SPOCK1: variants seen among roughly 807,000 people sequenced by gnomAD.
SPOCK1 encodes testican-1.
Under a neutral mutation model 55.3 loss-of-function variants are expected in SPOCK1, and 23 were observed. The ratio of observed to expected loss-of-function variants is 0.42; its 90% CI spans 0.30 to 0.59. The LOEUF is 0.59. SPOCK1 is among the 20% of genes least tolerant of loss of function. The probability of loss-of-function intolerance (pLI) is 0.22; values close to 1 mark genes in which losing one functional copy is unlikely to be tolerated. For missense variants in SPOCK1, 499 were observed against 552.5 expected (o/e 0.90, Z 0.97); for synonymous variants, 226 against 221.0 (o/e 1.02, Z -0.20).
At chr5:137,329,381 T>C (rs1758131824) in intron 2 of SPOCK1, among the ~76,000 whole-genome samples, 1 of 152,046 alleles carries the variant, frequency 6.6e-6, no homozygotes, top group African/African-American at 2.4e-5. Flanking sequence ...TATACACCTA[T>C]ATATACACAT....
chr5:137,424,848 T>A (rs1167367930), intron 2 of SPOCK1, among the ~76,000 whole-genome samples: 1 of 152,220 alleles, frequency 6.6e-6, no homozygotes, highest in Admixed American at 6.5e-5. Context: ...TAAAGGGGCA[T>A]GAGGAAAGTT....
At chr5:137,105,859 G>T (rs144546418) in intron 5 of SPOCK1, among the ~76,000 whole-genome samples, 1 of 152,300 alleles carries the variant, frequency 6.6e-6, no homozygotes, top group East Asian at 1.9e-4. Context: ...TTAAGGAAGA[G>T]AATGTCAGGG....
At chr5:137,259,877 C>G (rs1429100043) in intron 3 of SPOCK1, among the ~76,000 whole-genome samples, 1 of 151,882 alleles carries the variant, frequency 6.6e-6, no homozygotes, top group African/African-American at 2.4e-5. Context: ...TATTCTGAGC[C>G]CTCTCCACCC....
intron 7 of SPOCK1, among the ~76,000 whole-genome samples, chr5:136,990,761 A>C (rs2126963299): frequency 6.6e-6 from 1 of 152,286 alleles, no homozygotes; most frequent in East Asian, 1.9e-4. Context: ...TTTAATGCAT[A>C]AGGCAAGAGG....
chr5:137,012,069 G>A, intron 6 of SPOCK1, among the ~76,000 whole-genome samples: 1 of 152,138 alleles, frequency 6.6e-6, no homozygotes, highest in Non-Finnish European at 1.5e-5. Context: ...CTTTTATCCA[G>A]CTGCCACTGA....
At chr5:137,039,088 T>G (rs779881616) in intron 6 of SPOCK1, among the ~76,000 whole-genome samples, 1 of 152,154 alleles carries the variant, frequency 6.6e-6, no homozygotes, top group Non-Finnish European at 1.5e-5. Context: ...CCATTCCAAG[T>G]GCTTTATTTT....
Position 136,978,863 on chromosome 5 carries a change from C to T in SPOCK1, c.1130-19G>A, listed in dbSNP as rs865848879. 1 of 1,594,306 alleles carries T rather than the reference C, an allele frequency of 6.3e-7. No homozygotes were observed. The highest frequency in any genetic ancestry group is 1.3e-5 in the African/African-American group (1 of 74,564). ...TCCTCTTCTGAAAGATTAAAAAAAG[C>T]ATTGAGGTTAGTTTCCACTTATACC... On this transcript the variant is annotated intron_variant, in intron 10 of 10. Transcript: ENST00000394945.
intron 2 of SPOCK1, among the ~76,000 whole-genome samples, chr5:137,297,713 G>A (rs568583162): frequency 5.8e-4 from 88 of 152,184 alleles, no homozygotes; most frequent in Non-Finnish European, 9.9e-4. Context: ...GGGGAGACAT[G>A]GTAGGGCACA....
rs577130112 is a variant in SPOCK1 at position 136,978,801 on chromosome 5, G to A, written c.1173C>T (p.Ser391=). Residue 391 remains serine, a synonymous_variant, in exon 11 of 11, where the codon TCC becomes TCT. Coordinates refer to ENST00000394945, the MANE Select transcript of SPOCK1 (RefSeq NM_004598.4). ...ETSGDFGSGG[S]VVLLDDLEYE... ...ATTCTAGGTCATCCAGCAGGACCACGGACCCACCACTGCCAAAATCCCCTG... is the reference window on the plus strand; with the variant it reads ...ATTCTAGGTCATCCAGCAGGACCACAGACCCACCACTGCCAAAATCCCCTG... 6.8e-6 allele frequency: 11 copies of A among 1,613,452 alleles called. No individual in the cohort carries two copies. Among genetic ancestry groups the A allele is most frequent in the East Asian group, 4.5e-5 (2 of 44,858 alleles).
At chr5:137,118,601 G>A (rs915497034) in intron 4 of SPOCK1, among the ~76,000 whole-genome samples, 14 of 152,210 alleles carry the variant, frequency 9.2e-5, no homozygotes, top group Non-Finnish European at 1.6e-4. Context: ...GCAAGCAGGT[G>A]GCAAGACAGA....
intron 3 of SPOCK1, among the ~76,000 whole-genome samples, chr5:137,222,767 T>C (rs549735732): frequency 6.6e-6 from 1 of 152,342 alleles, no homozygotes; most frequent in Non-Finnish European, 1.5e-5. Context: ...CATGTACTCC[T>C]TTTGACACTA....
chr5:137,044,029 A>C (rs575502491), intron 6 of SPOCK1, among the ~76,000 whole-genome samples: 1 of 152,338 alleles, frequency 6.6e-6, no homozygotes, highest in South Asian at 2.1e-4. Context: ...TATAAATCTA[A>C]AAATTTTCTA....
intron 3 of SPOCK1, among the ~76,000 whole-genome samples, chr5:137,207,170 G>A (rs1282311457): frequency 2.6e-5 from 4 of 152,150 alleles, no homozygotes; most frequent in South Asian, 2.1e-4. Flanking sequence ...ACAGAACCCC[G>A]AGCAGCCTGT....
chr5:137,428,568 C>T (rs1752681803), intron 2 of SPOCK1, among the ~76,000 whole-genome samples: 1 of 152,200 alleles, frequency 6.6e-6, no homozygotes, highest in Non-Finnish European at 1.5e-5. Context: ...AATTTGTAGA[C>T]TCTGTCTACT....
At chr5:137,327,519 C>T (rs1758100984) in intron 2 of SPOCK1, among the ~76,000 whole-genome samples, 1 of 152,094 alleles carries the variant, frequency 6.6e-6, no homozygotes, top group South Asian at 2.1e-4. Flanking sequence ...ACTGAGATAC[C>T]AGTGGTTGAG....
rs922862233 is a variant in SPOCK1, at chr5:137,067,846, C to T, written c.475-17G>A. The T allele has an allele frequency of 6.2e-6, 10 of 1,603,996 alleles. No individual in the cohort carries two copies. Among genetic ancestry groups the T allele is most frequent in the Admixed American group, 1.7e-5 (1 of 59,996 alleles). On this transcript the variant is annotated splice_polypyrimidine_tract_variant and intron_variant, in intron 5 of 10. Coordinates refer to ENST00000394945, the MANE Select transcript of SPOCK1 (RefSeq NM_004598.4). ...CAATTTGCACTGCAAAAGAGAGACA[C>T]AACAGGTCTTAAGAATGCAGCCATA...
chr5:137,484,408 T>C (rs1488716643), intron 2 of SPOCK1, among the ~76,000 whole-genome samples: 1 of 152,184 alleles, frequency 6.6e-6, no homozygotes, highest in Non-Finnish European at 1.5e-5. Context: ...CTGACAAAAC[T>C]CAAGTGGGAT....
chr5:137,191,014 T>G (rs556261515), intron 3 of SPOCK1, among the ~76,000 whole-genome samples: 12 of 152,348 alleles, frequency 7.9e-5, no homozygotes, highest in African/African-American at 2.9e-4. Context: ...TTCCTGTCAG[T>G]GTCTACCCTT....
At chr5:136,981,980 C>T (rs1244671346) in intron 9 of SPOCK1, among the ~76,000 whole-genome samples, 1 of 152,168 alleles carries the variant, frequency 6.6e-6, no homozygotes, top group Admixed American at 6.5e-5. Flanking sequence ...TTTTCACTAG[C>T]CTTTTCTATG....
Sources: allele counts gnomAD v4.1 joint callset (sites outside exome capture counted in the v4.1 genomes callset), GRCh38; gene constraint gnomAD v4.1.1; transcripts MANE v1.5; gene names NCBI Gene and HGNC (gene_info 2026-07-23, HGNC 2026-07-21).